Variants in LPA observed in about 807,000 individuals in gnomAD.
The protein encoded by LPA is lipoprotein(a).
Under a neutral mutation model 197.9 loss-of-function variants are expected in LPA, and 199 were observed. That is an observed-to-expected ratio of 1.01 (90% CI 0.90 to 1.13). LPA has a LOEUF of 1.13. LPA is among the 50% of genes most tolerant of loss of function. LPA has a pLI of 0.00. For missense variants in LPA, 1,853 were observed against 1,785.8 expected (o/e 1.04, Z -0.68); for synonymous variants, 715 against 639.5 (o/e 1.12, Z -1.78).
rs771836727 is a variant in LPA, at chr6:160,585,082, T to C, written c.4253A>G (p.His1418Arg). The C allele has an allele frequency of 5.6e-6, 9 of 1,613,846 alleles. No homozygotes were observed. The Admixed American group carries it at 8.3e-5, about 15-fold the overall frequency. The change falls in exon 26 of 39, where the codon CAT becomes CGT. Residue 1418 changes from histidine to arginine, a missense_variant. By Grantham distance (29) the His-to-Arg change is conservative. This residue lies in a region of LPA where 1,737 missense variants were observed against 1,504.4 expected (regional missense o/e 1.15). Coordinates refer to ENST00000316300, the MANE Select transcript of LPA (RefSeq NM_005577.4). ...TCQSWSSMTP[H>R]WHRRIPLYYP... is the part of the protein sequence containing the mutation. The stretch of plus-strand genomic sequence containing the variant: ...GTATAATGGGATCCTCCGATGCCAA[T>C]GTGGTGTCATAGACGACCAAGACTG...
chr6:160,542,776 C>T lies in LPA; in HGVS notation c.5431G>A (p.Val1811Met), dbSNP rs1778002997. 3 of 1,613,994 alleles carry T rather than the reference C, an allele frequency of 1.9e-6. No homozygotes were observed. Among genetic ancestry groups the T allele is most frequent in the South Asian group, 1.1e-5 (1 of 91,082 alleles). ...SSSFDCGKPQVEPKKCPGSIV... is the reference protein window; with the variant it reads ...SSSFDCGKPQMEPKKCPGSIV... ...CTTCCAGGACATTTCTTCGGCTCCACTTGAGGCTTCCCACAATCAAATGAA... is the reference window on the plus strand; with the variant it reads ...CTTCCAGGACATTTCTTCGGCTCCATTTGAGGCTTCCCACAATCAAATGAA... The change falls in exon 34 of 39, where the codon GTG (valine) becomes ATG (methionine). Residue 1811 changes from valine to methionine, a missense_variant. Val to Met is a conservative substitution (Grantham distance 21, BLOSUM62 1). Transcript: ENST00000316300.
chr6:160,545,878 G>A (rs1309435873), intron 32 of LPA, among the ~76,000 whole-genome samples: 3 of 152,086 alleles, frequency 2.0e-5, no homozygotes, highest in African/African-American at 4.8e-5. Context: ...TCCCTGGGGC[G>A]CTGAGGGGTC....
At position 160,604,053 on chromosome 6, in the gene LPA, C is replaced by A. The variant is rs117540984; in HGVS notation, c.2945+993G>T. Among the ~76,000 whole-genome samples the A allele has an allele frequency of 4.6e-5, 7 of 152,280 alleles. No homozygotes were observed. In the South Asian group the frequency reaches 8.3e-4, roughly 18 times the overall value. On this transcript the variant is annotated intron_variant, in intron 18 of 38. Transcript: ENST00000316300. Reference sequence around the variant, plus strand: ...TTCTTTTCTCTACTTTCTTGTGGAACCTTTTTCTGGGCACATGCAACGTCA... The same window carrying A: ...TTCTTTTCTCTACTTTCTTGTGGAAACTTTTTCTGGGCACATGCAACGTCA...
intron 7 of LPA, among the ~76,000 whole-genome samples, chr6:160,634,913 C>A (rs1467041185): frequency 6.7e-6 from 1 of 150,072 alleles, no homozygotes; most frequent in Non-Finnish European, 1.5e-5. Flanking sequence ...AAGGTTTGTG[C>A]CCATTCTAAA....
intron 28 of LPA, 82 bp from the exon 29 acceptor site, chr6:160,557,653 C>T (rs999273179): frequency 9.4e-6 from 12 of 1,272,026 alleles, no homozygotes; most frequent in African/African-American, 4.4e-5. Flanking sequence ...TTTGTTATAA[C>T]AAAGTGTTAA....
At chr6:160,536,542 C>T (rs1238638184) in intron 37 of LPA, among the ~76,000 whole-genome samples, 2 of 152,192 alleles carry the variant, frequency 1.3e-5, no homozygotes, top group South Asian at 4.1e-4. Flanking sequence ...AGCCCATAGG[C>T]AGGAGCCAGG....
Position 160,600,960 on chromosome 6 carries a change from C to A in LPA, c.3084G>T (p.Pro1028=). The A allele has an allele frequency of 6.2e-7, 1 of 1,613,536 alleles. No individual in the cohort carries two copies. The change falls in exon 19 of 39, where the codon CCG becomes CCT. Residue 1028 remains proline, a synonymous_variant. Coordinates refer to ENST00000316300, the MANE Select transcript of LPA (RefSeq NM_005577.4). ...CTAGGCTTGGAGCCAGAATAACATTCGGAGGGACGAAGGCAGTCCATTCTG... is the reference window on the plus strand; with the variant it reads ...CTAGGCTTGGAGCCAGAATAACATTAGGAGGGACGAAGGCAGTCCATTCTG... ...SDAEWTAFVP[P]NVILAPSLEA...
intron 1 of LPA, among the ~76,000 whole-genome samples, chr6:160,661,026 A>C (rs1455621925): frequency 6.6e-6 from 1 of 151,680 alleles, no homozygotes; most frequent in Non-Finnish European, 1.5e-5. Flanking sequence ...AGGGTGGCCA[A>C]GTGGGGCTCA....
chr6:160,599,037 G>A (rs768331487), intron 20 of LPA, among the ~76,000 whole-genome samples: 3 of 152,176 alleles, frequency 2.0e-5, no homozygotes, highest in Non-Finnish European at 2.9e-5. Context: ...GGAGGAAGGA[G>A]AGCCAGCTTA....
Position 160,600,913 on chromosome 6 carries a change from T to A in LPA, c.3127+4A>T. Reference sequence around the variant, plus strand: ...GCAGGTAAATGTCTGGCACAACTTCTTACCTTGTTCAAAAAAAGCCTCTAG... The same window carrying A: ...GCAGGTAAATGTCTGGCACAACTTCATACCTTGTTCAAAAAAAGCCTCTAG... On this transcript the variant is annotated splice_donor_region_variant and intron_variant, in intron 19 of 38. Coordinates refer to ENST00000316300, the MANE Select transcript of LPA (RefSeq NM_005577.4). 3 of 1,612,242 alleles carry A rather than the reference T, an allele frequency of 1.9e-6. No homozygotes were observed. The highest frequency in any genetic ancestry group is 2.5e-6 in the Non-Finnish European group (3 of 1,179,926).
At chr6:160,553,777 ATTGCT>A (rs1385497113) in intron 30 of LPA, among the ~76,000 whole-genome samples, 1 of 152,042 alleles carries the variant, frequency 6.6e-6, no homozygotes, top group Non-Finnish European at 1.5e-5. Context: ...TTCAGCCATC[ATTGCT>A]TTGAGTATTT....
chr6:160,600,818 G>A (rs1207935724), intron 19 of LPA, 99 bp downstream of exon 19: 17 of 1,349,466 alleles, frequency 1.3e-5, no homozygotes, highest in South Asian at 6.0e-5. Context: ...ACCAACACAC[G>A]AGAACCAGTG....
At chr6:160,532,091 C>T (rs1221406960) in intron 38 of LPA, among the ~76,000 whole-genome samples, 2 of 152,080 alleles carry the variant, frequency 1.3e-5, no homozygotes, top group African/African-American at 2.4e-5. Flanking sequence ...TTAGTTTTTT[C>T]CTGGGAAAAA....
At chr6:160,576,527 T>C (rs1203492940) in intron 28 of LPA, among the ~76,000 whole-genome samples, 1 of 144,740 alleles carries the variant, frequency 6.9e-6, no homozygotes, top group Non-Finnish European at 1.5e-5. Flanking sequence ...TATTAAAATA[T>C]ATAAAAATAC....
intron 16 of LPA, among the ~76,000 whole-genome samples, 164 bp from the exon 17 acceptor site, chr6:160,606,822 A>G (rs1779364629): frequency 6.6e-6 from 1 of 152,138 alleles, no homozygotes; most frequent in African/African-American, 2.4e-5. Context: ...TCAATCACTA[A>G]TCCTGTCTGC....
intron 1 of LPA, among the ~76,000 whole-genome samples, chr6:160,654,689 C>T (rs1205484893): frequency 6.6e-6 from 1 of 152,106 alleles, no homozygotes; most frequent in African/African-American, 2.4e-5. Context: ...TATTTAAATG[C>T]TGATATGAAC....
intron 37 of LPA, 21 bp downstream of exon 37, chr6:160,537,834 G>C: frequency 6.2e-7 from 1 of 1,601,606 alleles, no homozygotes; most frequent in Non-Finnish European, 8.6e-7. Context: ...TTTGTTACGT[G>C]GGCAATGGAA....
intron 1 of LPA, among the ~76,000 whole-genome samples, chr6:160,655,607 G>T (rs1336668223): frequency 6.6e-6 from 1 of 152,172 alleles, no homozygotes; most frequent in Non-Finnish European, 1.5e-5. Flanking sequence ...GCCAAACGCA[G>T]CAAGTTATGC....
At position 160,532,616 on chromosome 6, in the gene LPA, T is replaced by G. The variant is rs1777824223; in HGVS notation, c.5876A>C (p.Gln1959Pro). ...TFGTGLLKEA[Q>P]LLVIENEVCN... ...CACTTCATTCTCAATAACAAGGAGC[T>G]GGGCTTCCTTGAGAAGGCCAGTCCC... Residue 1959 changes from glutamine (Q) to proline (P), a missense_variant, in exon 38 of 39, where the codon CAG (glutamine) becomes CCG (proline). Around this residue, in one of 3 missense-constraint regions of LPA, gnomAD observed 1,737 missense variants for 1,504.4 expected, o/e 1.15. Transcript: ENST00000316300. The G allele has an allele frequency of 1.9e-6, 3 of 1,612,770 alleles. No homozygotes were observed. The highest frequency in any genetic ancestry group is 2.5e-6 in the Non-Finnish European group (3 of 1,179,004).
Sources: gnomAD v4.1 joint callset for allele counts (sites outside exome capture counted in the v4.1 genomes callset) on GRCh38, gnomAD v4.1.1 for gene constraint, gnomAD v4.1.1 regional missense constraint, MANE v1.5 for transcripts, NCBI Gene and HGNC (gene_info 2026-07-23, HGNC 2026-07-21) for gene names.